The following TBC1D10B variants were observed in gnomAD, a reference collection of about 807,000 sequenced individuals.
TBC1D10B encodes the protein TBC1 domain family member 10B, also known as Rab27A-GAPbeta.
A neutral mutation model predicts 78.4 loss-of-function variants in TBC1D10B; 25 were observed. That is an observed-to-expected ratio of 0.32 (90% CI 0.23 to 0.45). The LOEUF (loss-of-function observed/expected upper bound fraction) is 0.45, where lower values mean the gene tolerates loss of function less well. Among genes scored for constraint, TBC1D10B ranks in the 20% least tolerant of loss-of-function variants. The probability of loss-of-function intolerance (pLI) is 1.00; values close to 1 mark genes in which losing one functional copy is unlikely to be tolerated. For missense variants in TBC1D10B, 996 were observed against 1,104.8 expected, an observed-to-expected ratio of 0.90 and a Z score of 1.40; for synonymous variants, 517 against 478.0, an observed-to-expected ratio of 1.08 and a Z score of -1.06.
Position 30,369,347 on chromosome 16 carries a change from G to A in TBC1D10B, c.837C>T (p.Thr279=), listed in dbSNP as rs369386304. 3 of 1,598,480 alleles carry A rather than the reference G, an allele frequency of 1.9e-6. No individual in the cohort carries two copies. The highest frequency in any genetic ancestry group is 1.7e-4 in the Middle Eastern group (1 of 6,048). The change falls in exon 1 of 9, where the codon ACC becomes ACT. Residue 279 remains threonine (T), a synonymous_variant. Transcript: ENST00000409939. The surrounding 1 kb of genome is among the most constrained non-coding windows in gnomAD (Gnocchi z 4.3). ...TCACATCATCCGCCAAGGACTCCAA[G>A]GTCCCAGACATGAGGCTCACGGAGT... ...YLDSVSLMSG[T]LESLADDVSS... is the part of the protein sequence containing the mutation.
In TBC1D10B at chr16:30,365,637, GT is replaced by G; in HGVS notation, c.957-44del. On this transcript the variant is annotated intron_variant, in intron 1 of 8. Transcript: ENST00000409939. This position sits in a 1 kb window ranked among gnomAD's most constrained non-coding sequence, Gnocchi z 5.0. ...CACGGAAGGGGTCAGTAGCAATAGT[GT>G]AAAACCTGCATTGCAGGGGGAACTG... 6.3e-7 allele frequency: 1 copy of G among 1,587,588 alleles called. No individual in the cohort carries two copies.
At position 30,370,416 on chromosome 16, in the gene TBC1D10B, C is replaced by T. The variant is rs1017254585; in HGVS notation, c.-233G>A. ...CCCCTCGCGCGCTCTCGCCACCGCCCCCTCCCTCCTGCTTGGGGGCGAGCC... is the reference window on the plus strand; with the variant it reads ...CCCCTCGCGCGCTCTCGCCACCGCCTCCTCCCTCCTGCTTGGGGGCGAGCC... On this transcript the variant is annotated 5_prime_UTR_variant, in exon 1 of 9. Transcript: ENST00000409939. Among the ~76,000 whole-genome samples the T allele has an allele frequency of 2.6e-5, 4 of 151,860 alleles. No homozygotes were observed. Among genetic ancestry groups the T allele is most frequent in the African/African-American group, 9.7e-5 (4 of 41,392 alleles).
chr16:30,369,639 C>G lies in TBC1D10B; in HGVS notation c.545G>C (p.Gly182Ala), dbSNP rs1421858364. 1.3e-6 allele frequency: 2 copies of G among 1,533,894 alleles called. No individual in the cohort carries two copies. The highest frequency in any genetic ancestry group is 3.4e-4 in the Middle Eastern group (2 of 5,926). The change falls in exon 1 of 9, where the codon GGA (glycine) becomes GCA (alanine). Residue 182 changes from glycine to alanine, a missense_variant. By Grantham distance (60) the Gly-to-Ala change is moderately conservative (BLOSUM62 0). Transcript: ENST00000409939. The surrounding 1 kb of genome is among the most constrained non-coding windows in gnomAD (Gnocchi z 4.3). ...APKPGTTVAS[G>A]VTARSASGQV... ...TCCTGATGCACTCCGTGCAGTCACT[C>G]CTGAGGCCACTGTGGTTCCCGGCTT...
chr16:30,369,705 G>T lies in TBC1D10B; in HGVS notation c.479C>A (p.Thr160Lys), dbSNP rs891963859. 3 of 1,505,098 alleles carry T rather than the reference G, an allele frequency of 2.0e-6. No individual in the cohort carries two copies. Among genetic ancestry groups the T allele is most frequent in the African/African-American group, 2.8e-5 (2 of 71,214 alleles). 93.2% of individuals were successfully genotyped at this position (1,505,098 alleles called of 1,614,324 possible). ...TTTGGCGGTCAGGGCACCAGGAGCC[G>T]TTCTGGAAGGGGTCCTGGTAGGGGT... ...TGTPTRTPSRTAPGALTAKPP... is the reference protein window; with the variant it reads ...TGTPTRTPSRKAPGALTAKPP... The change falls in exon 1 of 9, where the codon ACG becomes AAG. Residue 160 changes from threonine (T) to lysine (K), a missense_variant. This residue lies in a region of TBC1D10B where 448 missense variants were observed against 442.1 expected (regional missense o/e 1.01). Coordinates refer to ENST00000409939, the MANE Select transcript of TBC1D10B (RefSeq NM_015527.4). The surrounding 1 kb of genome is among the most constrained non-coding windows in gnomAD (Gnocchi z 4.3).
intron 1 of TBC1D10B, among the ~76,000 whole-genome samples, chr16:30,368,517 G>C (rs894882093): frequency 6.6e-6 from 1 of 152,170 alleles, no homozygotes; most frequent in African/African-American, 2.4e-5. Flanking sequence ...GCAGGATCCA[G>C]AGAGGGGGAA....
Position 30,358,411 on chromosome 16 carries a change from C to G in TBC1D10B, c.1960G>C (p.Gly654Arg). The change falls in exon 9 of 9, where the codon GGC becomes CGC. Residue 654 changes from glycine (G) to arginine (R), a missense_variant. By Grantham distance (125) the Gly-to-Arg change is moderately radical. Around this residue, in one of 5 missense-constraint regions of TBC1D10B, gnomAD observed 285 missense variants for 252.5 expected, o/e 1.13. Transcript: ENST00000409939. Reference sequence around the variant, plus strand: ...AGGCTGAGGAGGCTGGAGGAGGGGCCCAGGGGTGGCTGTTGCCGCCGGCGC... The same window carrying G: ...AGGCTGAGGAGGCTGGAGGAGGGGCGCAGGGGTGGCTGTTGCCGCCGGCGC... ...EERRRQQPPL[G>R]PSSSLLSLPG... 6.3e-7 allele frequency: 1 copy of G among 1,575,776 alleles called. No homozygotes were observed. Among genetic ancestry groups the G allele is most frequent in the Non-Finnish European group, 8.6e-7 (1 of 1,161,474 alleles).
chr16:30,363,946 G>A (rs772619159), intron 4 of TBC1D10B, among the ~76,000 whole-genome samples: 3 of 151,962 alleles, frequency 2.0e-5, no homozygotes, highest in Admixed American at 2.0e-4. Flanking sequence ...TGAAACCCCC[G>A]TCTCTACTAA....
Position 30,365,790 on chromosome 16 carries a change from A to G in TBC1D10B, c.957-196T>C, listed in dbSNP as rs898187227. 10 of 572,720 alleles carry G rather than the reference A, an allele frequency of 1.7e-5. No individual in the cohort carries two copies. The highest frequency in any genetic ancestry group is 2.8e-5 in the Non-Finnish European group (9 of 318,420). 35.5% of individuals were successfully genotyped at this position (572,720 alleles called of 1,614,324 possible). On this transcript the variant is annotated intron_variant, in intron 1 of 8. Transcript: ENST00000409939. This position sits in a 1 kb window ranked among gnomAD's most constrained non-coding sequence, Gnocchi z 5.0. ...GGGCTTCCTTCCCTGATGGATCTCT[A>G]TTCAGAGGTCATATTTAAATCTCAC...
In TBC1D10B at chr16:30,365,293, T is replaced by C; in HGVS notation, c.1057-81A>G. On this transcript the variant is annotated intron_variant, in intron 2 of 8. Coordinates refer to ENST00000409939, the MANE Select transcript of TBC1D10B (RefSeq NM_015527.4). This position sits in a 1 kb window ranked among gnomAD's most constrained non-coding sequence, Gnocchi z 5.0. ...TTTCCCCAGCAGTCCACAAACTCCC[T>C]GGATACTCCTCCGACATCCCATAGG... is the stretch of plus-strand genomic sequence containing the variant. 1.5e-6 allele frequency: 2 copies of C among 1,351,642 alleles called. No homozygotes were observed. Among genetic ancestry groups the C allele is most frequent in the Non-Finnish European group, 2.1e-6 (2 of 952,750 alleles). 83.7% of individuals were successfully genotyped at this position (1,351,642 alleles called of 1,614,324 possible). A position where few individuals can be genotyped will look rare whatever the true frequency, so the allele number is the denominator to read the frequency against.
At position 30,369,844 on chromosome 16, in the gene TBC1D10B, G is replaced by T; in HGVS notation, c.340C>A (p.Pro114Thr). 7.1e-7 allele frequency: 1 copy of T among 1,408,836 alleles called. No individual in the cohort carries two copies. Among genetic ancestry groups the T allele is most frequent in the Non-Finnish European group, 9.2e-7 (1 of 1,083,964 alleles). 87.3% of individuals were successfully genotyped at this position (1,408,836 alleles called of 1,614,324 possible). Residue 114 changes from proline to threonine, a missense_variant, in exon 1 of 9, where the codon CCC becomes ACC. Physicochemically the swap from Pro to Thr is conservative, Grantham distance 38. Around this residue, in one of 5 missense-constraint regions of TBC1D10B, gnomAD observed 448 missense variants for 442.1 expected, o/e 1.01. Transcript: ENST00000409939. The surrounding 1 kb of genome is among the most constrained non-coding windows in gnomAD (Gnocchi z 4.3). ...GTCTCAACTCCAGCCACTGCCGCGG[G>T]CTCTGGGGATTCCGGGCCGGAGGGG... is the stretch of plus-strand genomic sequence containing the variant. ...QLPSGPESPEPAAVAGVETSR... is the reference protein window; with the variant it reads ...QLPSGPESPETAAVAGVETSR...
In TBC1D10B at chr16:30,365,045, G is replaced by C. The variant is rs1294697414; in HGVS notation, c.1165-39C>G. Reference sequence around the variant, plus strand: ...GTGGGGATTACCTCAGCATCTGGGGGAACTGATACCCCTTGCACAGACAGG... The same window carrying C: ...GTGGGGATTACCTCAGCATCTGGGGCAACTGATACCCCTTGCACAGACAGG... On this transcript the variant is annotated intron_variant, in intron 3 of 8. Coordinates refer to ENST00000409939, the MANE Select transcript of TBC1D10B (RefSeq NM_015527.4). The surrounding 1 kb of genome is among the most constrained non-coding windows in gnomAD (Gnocchi z 5.0). 1 of 1,612,108 alleles carries C rather than the reference G, an allele frequency of 6.2e-7. No homozygotes were observed. The highest frequency in any genetic ancestry group is 1.3e-5 in the African/African-American group (1 of 74,854).
At position 30,358,229 on chromosome 16, in the gene TBC1D10B, G is replaced by A. The variant is rs2049570628; in HGVS notation, c.2142C>T (p.Pro714=). Residue 714 remains proline, a synonymous_variant, in exon 9 of 9, where the codon CCC becomes CCT. Transcript: ENST00000409939. ...TCCGGGTCTCCTTGCTGGAACCCAA[G>A]GGGGTGCTATTGCCAGTGGGTGAGG... is the stretch of plus-strand genomic sequence containing the variant. ...SLPSPTGNST[P]LGSSKETRKQ... The A allele has an allele frequency of 3.9e-6, 6 of 1,555,844 alleles. 1 individual carries two copies. Among genetic ancestry groups the A allele is most frequent in the Non-Finnish European group, 5.2e-6 (6 of 1,149,352 alleles).
In TBC1D10B at chr16:30,370,379, G is replaced by A; in HGVS notation, c.-196C>T. 1 of 172,688 alleles carries A rather than the reference G, an allele frequency of 5.8e-6. No individual in the cohort carries two copies. The highest frequency in any genetic ancestry group is 1.2e-5 in the Non-Finnish European group (1 of 83,056). The allele number at this position is 172,688 out of a possible 1,614,324, so 10.7% of individuals were successfully genotyped here. On this transcript the variant is annotated 5_prime_UTR_variant, in exon 1 of 9. Transcript: ENST00000409939. ...GGCGCCGCGCGCCGGGGTCTCTCTCGAGCCCTCTCACCCCCTCGCGCGCTC... is the reference window on the plus strand; with the variant it reads ...GGCGCCGCGCGCCGGGGTCTCTCTCAAGCCCTCTCACCCCCTCGCGCGCTC...
chr16:30,368,281 A>G (rs1167788361), intron 1 of TBC1D10B, among the ~76,000 whole-genome samples: 1 of 152,204 alleles, frequency 6.6e-6, no homozygotes, highest in Admixed American at 6.5e-5. Flanking sequence ...GAGCAGGTTC[A>G]GCTGACTCCC....
chr16:30,369,161 T>C lies in TBC1D10B; in HGVS notation c.956+67A>G. ...CAGAGTCTGGGCAAAGTGTATCGTT[T>C]TCGTTTCGCCCTCCCCCAACCTTTG... On this transcript the variant is annotated intron_variant, in intron 1 of 8. Coordinates refer to ENST00000409939, the MANE Select transcript of TBC1D10B (RefSeq NM_015527.4). This position sits in a 1 kb window ranked among gnomAD's most constrained non-coding sequence, Gnocchi z 4.3. 2 of 1,448,408 alleles carry C rather than the reference T, an allele frequency of 1.4e-6. No individual in the cohort carries two copies. Among genetic ancestry groups the C allele is most frequent in the Non-Finnish European group, 1.8e-6 (2 of 1,087,728 alleles). 89.7% of individuals were successfully genotyped at this position (1,448,408 alleles called of 1,614,324 possible).
intron 7 of TBC1D10B, 21 bp from the exon 8 acceptor site, chr16:30,358,838 G>C (rs1369741931): frequency 2.5e-6 from 4 of 1,590,652 alleles, no homozygotes; most frequent in South Asian, 2.3e-5. Context: ...GGAGAGTAGA[G>C]AGCATGGGGT....
At chr16:30,368,521 G>C (rs1369684176) in intron 1 of TBC1D10B, among the ~76,000 whole-genome samples, 2 of 152,174 alleles carry the variant, frequency 1.3e-5, no homozygotes, top group African/African-American at 2.4e-5. Flanking sequence ...GATCCAGAGA[G>C]GGGGAAGGAA....
intron 4 of TBC1D10B, among the ~76,000 whole-genome samples, 185 bp downstream of exon 4, chr16:30,364,715 G>A (rs2049623145): frequency 6.6e-6 from 1 of 151,928 alleles, no homozygotes; most frequent in South Asian, 2.1e-4. Context: ...CACACAACCT[G>A]AGTCAAGTCT....
Position 30,358,334 on chromosome 16 carries a change from C to T in TBC1D10B, c.2037G>A (p.Pro679=), listed in dbSNP as rs756201043. The T allele has an allele frequency of 3.3e-5, 51 of 1,561,350 alleles. No homozygotes were observed. In the Admixed American group the frequency reaches 7.4e-4, roughly 23 times the overall value. The change falls in exon 9 of 9, where the codon CCG becomes CCA. Residue 679 remains proline, a synonymous_variant. Coordinates refer to ENST00000409939, the MANE Select transcript of TBC1D10B (RefSeq NM_015527.4). The part of the protein sequence containing the change: ...GSRAAGGAPS[P]PPPVRRASAG... ...CACTGGCTCTGCGGACGGGGGGCGG[C>T]GGGGACGGGGCCCCTCCAGCTGCCC...
Sources: allele counts gnomAD v4.1 joint callset (sites outside exome capture counted in the v4.1 genomes callset), GRCh38; gene constraint gnomAD v4.1.1; regional missense constraint gnomAD v4.1.1; non-coding constraint Gnocchi (gnomAD v3.1); transcripts MANE v1.5; gene names NCBI Gene and HGNC (gene_info 2026-07-23, HGNC 2026-07-21).